Variants in SPAG16 observed in about 807,000 individuals in gnomAD.
The protein encoded by SPAG16 is sperm-associated antigen 16 protein.
A neutral mutation model predicts 80.4 loss-of-function variants in SPAG16; 86 were observed. That is an observed-to-expected ratio of 1.07 (90% CI 0.90 to 1.28). The LOEUF is 1.28. Ranked by LOEUF, SPAG16 falls within the 50% of genes most tolerant of loss-of-function variation. The pLI, the probability that SPAG16 is intolerant of heterozygous loss-of-function variation, is 0.00. For missense variants in SPAG16, 870 were observed against 765.3 expected (o/e 1.14, Z -1.61); for synonymous variants, 294 against 265.9 (o/e 1.11, Z -1.03).
At chr2:213,368,870 G>A (rs183733134) in intron 8 of SPAG16, among the ~76,000 whole-genome samples, 1 of 152,120 alleles carries the variant, frequency 6.6e-6, no homozygotes, top group Non-Finnish European at 1.5e-5. Flanking sequence ...TGTGAAGGAC[G>A]TCTTCAAGGA....
chr2:213,539,090 T>C (rs1326467294), intron 10 of SPAG16, among the ~76,000 whole-genome samples: 1 of 152,174 alleles, frequency 6.6e-6, no homozygotes, highest in African/African-American at 2.4e-5. Context: ...ATTTGCCTTC[T>C]TGTGCTTTCG....
chr2:213,652,752 G>C (rs527916503), intron 10 of SPAG16, among the ~76,000 whole-genome samples: 1 of 152,054 alleles, frequency 6.6e-6, no homozygotes, highest in East Asian at 1.9e-4. Flanking sequence ...AAATATTCTA[G>C]ATACAAGTTC....
chr2:213,400,481 T>G (rs2068253924), intron 9 of SPAG16, among the ~76,000 whole-genome samples: 1 of 152,190 alleles, frequency 6.6e-6, no homozygotes, highest in South Asian at 2.1e-4. Flanking sequence ...ATTATGTATT[T>G]GTAGTTGAAA....
At chr2:213,869,147 GGA>G (rs2075828641) in intron 11 of SPAG16, among the ~76,000 whole-genome samples, 1 of 150,766 alleles carries the variant, frequency 6.6e-6, no homozygotes, top group Non-Finnish European at 1.5e-5. Flanking sequence ...CAGCTACTCG[GGA>G]GGCTGAGACA....
chr2:213,997,563 T>C (rs2046583369), intron 12 of SPAG16, among the ~76,000 whole-genome samples: 1 of 152,216 alleles, frequency 6.6e-6, no homozygotes, highest in African/African-American at 2.4e-5. Context: ...TTAGTCCTAA[T>C]ATATTTTCCC....
chr2:213,337,313 C>T (rs1469282871), intron 5 of SPAG16, among the ~76,000 whole-genome samples: 1 of 152,206 alleles, frequency 6.6e-6, no homozygotes, highest in Non-Finnish European at 1.5e-5. Flanking sequence ...AGTGCCTCTT[C>T]TCCTCCAAAT....
At chr2:213,688,087 G>A (rs1436717788) in intron 10 of SPAG16, among the ~76,000 whole-genome samples, 1 of 152,172 alleles carries the variant, frequency 6.6e-6, no homozygotes, top group Non-Finnish European at 1.5e-5. Context: ...CCAGAAAGGT[G>A]GGGCAGTTTG....
intron 10 of SPAG16, among the ~76,000 whole-genome samples, chr2:213,671,397 C>CT (rs748452988): frequency 2.0e-5 from 3 of 152,118 alleles, no homozygotes; most frequent in Non-Finnish European, 2.9e-5. Context: ...CAAGATTTCT[C>CT]TAAGAACTCT....
chr2:213,702,676 C>T (rs529525899), intron 10 of SPAG16, among the ~76,000 whole-genome samples: 3 of 152,274 alleles, frequency 2.0e-5, no homozygotes, highest in African/African-American at 2.4e-5. Flanking sequence ...TAATCTATGA[C>T]ACATAGAAGC....
At chr2:213,787,998 A>G (rs1346623580) in intron 10 of SPAG16, among the ~76,000 whole-genome samples, 2 of 152,000 alleles carry the variant, frequency 1.3e-5, no homozygotes, top group African/African-American at 2.4e-5. Context: ...AAAGAATCAT[A>G]AGAGCTGGTG....
chr2:213,359,058 C>A (rs983018652), intron 7 of SPAG16, among the ~76,000 whole-genome samples: 1 of 152,136 alleles, frequency 6.6e-6, no homozygotes, highest in African/African-American at 2.4e-5. Context: ...CACTCCAGAC[C>A]CTGTTTGCCT....
At chr2:213,312,534 T>G (rs1051672799) in intron 4 of SPAG16, among the ~76,000 whole-genome samples, 1 of 151,664 alleles carries the variant, frequency 6.6e-6, no homozygotes, top group African/African-American at 2.4e-5. Flanking sequence ...TTTTAAACCA[T>G]TTTTCCCTTT....
intron 15 of SPAG16, among the ~76,000 whole-genome samples, chr2:214,348,839 T>C (rs972532810): frequency 6.6e-6 from 1 of 152,304 alleles, no homozygotes; most frequent in East Asian, 1.9e-4. Flanking sequence ...TGGTAGTGGG[T>C]ATAAGCCTCT....
intron 15 of SPAG16, among the ~76,000 whole-genome samples, chr2:214,346,296 T>C (rs1698046525): frequency 6.6e-6 from 1 of 152,258 alleles, no homozygotes; most frequent in Non-Finnish European, 1.5e-5. Context: ...TGTAGCATTT[T>C]ATTATAGTTT....
intron 15 of SPAG16, among the ~76,000 whole-genome samples, chr2:214,161,362 T>G (rs1294518163): frequency 6.6e-6 from 1 of 152,282 alleles, no homozygotes; most frequent in East Asian, 1.9e-4. Flanking sequence ...GTTCTGGATC[T>G]CTGAGAAACT....
At chr2:213,465,878 A>C (rs1388576300) in intron 9 of SPAG16, among the ~76,000 whole-genome samples, 2 of 152,142 alleles carry the variant, frequency 1.3e-5, no homozygotes, top group Non-Finnish European at 2.9e-5. Flanking sequence ...ATTGGGTTGA[A>C]GTATGCAAAG....
At chr2:213,348,592 G>A (rs2065138340) in intron 6 of SPAG16, among the ~76,000 whole-genome samples, 1 of 152,076 alleles carries the variant, frequency 6.6e-6, no homozygotes. Flanking sequence ...AAATCTCTCA[G>A]CATTTGCTTG....
chr2:213,575,870 T>C (rs1198500740), intron 10 of SPAG16, among the ~76,000 whole-genome samples: 1 of 152,180 alleles, frequency 6.6e-6, no homozygotes, highest in Non-Finnish European at 1.5e-5. Flanking sequence ...AAAATGGAAT[T>C]TCTGATAATA....
In SPAG16 at chr2:213,833,823, C is replaced by A. The variant is rs545701833; in HGVS notation, c.1071-28662C>A. Among the ~76,000 whole-genome samples, 16 of 150,606 alleles carry A rather than the reference C, an allele frequency of 1.1e-4. No individual in the cohort carries two copies. In the South Asian group the frequency reaches 3.3e-3, roughly 31 times the overall value. ...CTCTGTCTCTTCATAGTAATTCAGACCCATTAGTTATATGGGGAAGAAAAG... is the reference window on the plus strand; with the variant it reads ...CTCTGTCTCTTCATAGTAATTCAGAACCATTAGTTATATGGGGAAGAAAAG... On this transcript the variant is annotated intron_variant, in intron 10 of 15. Transcript: ENST00000331683.
Sources: allele counts gnomAD v4.1 joint callset (sites outside exome capture counted in the v4.1 genomes callset), GRCh38; gene constraint gnomAD v4.1.1; transcripts MANE v1.5; gene names NCBI Gene and HGNC (gene_info 2026-07-23, HGNC 2026-07-21).